The following SLAIN2 variants were observed in gnomAD, a reference collection of about 807,000 sequenced individuals.
SLAIN2 encodes SLAIN family member 2.
Under a neutral mutation model 56.6 loss-of-function variants are expected in SLAIN2, and 31 were observed. The ratio of observed to expected loss-of-function variants is 0.55; its 90% CI spans 0.41 to 0.74. SLAIN2 has a LOEUF of 0.74. SLAIN2 is among the 30% of genes least tolerant of loss of function. The pLI, the probability that SLAIN2 is intolerant of heterozygous loss-of-function variation, is 0.00. For synonymous variants in SLAIN2, 317 were observed against 284.9 expected (o/e 1.11, Z -1.13); for missense variants, 777 against 754.2 (o/e 1.03, Z -0.35).
intron 6 of SLAIN2, among the ~76,000 whole-genome samples, chr4:48,390,550 T>C (rs1716215214): frequency 6.6e-6 from 1 of 152,094 alleles, no homozygotes; most frequent in South Asian, 2.1e-4. Flanking sequence ...ATAGTACTAA[T>C]GGCCAGGAAA....
chr4:48,384,637 A>G (rs1473634561), intron 6 of SLAIN2, among the ~76,000 whole-genome samples: 5 of 152,194 alleles, frequency 3.3e-5, no homozygotes, highest in Non-Finnish European at 5.9e-5. Flanking sequence ...ACACATGTAG[A>G]TTATAATTTT....
chr4:48,349,795 G>T (rs1668732347), intron 1 of SLAIN2, among the ~76,000 whole-genome samples: 1 of 152,042 alleles, frequency 6.6e-6, no homozygotes, highest in South Asian at 2.1e-4. Flanking sequence ...TATCACAGAT[G>T]GATACATTTT....
chr4:48,420,298 G>A lies in SLAIN2; in HGVS notation c.1534G>A (p.Ala512Thr). The part of the protein sequence containing the change: ...GPPMVQSTVS[A>T]NPPSNINSAT... ...TCCTATGGTTCAGAGCACAGTCTCA[G>A]CAAATCCTCCCAGCAATATCAACAG... The change falls in exon 7 of 8, where the codon GCA becomes ACA. Residue 512 changes from alanine (A) to threonine (T), a missense_variant. Coordinates refer to ENST00000264313, the MANE Select transcript of SLAIN2 (RefSeq NM_020846.2). 2 of 1,613,898 alleles carry A rather than the reference G, an allele frequency of 1.2e-6. No individual in the cohort carries two copies. Among genetic ancestry groups the A allele is most frequent in the East Asian group, 4.5e-5 (2 of 44,866 alleles).
At chr4:48,395,917 T>C (rs1182645801) in intron 6 of SLAIN2, among the ~76,000 whole-genome samples, 3 of 150,126 alleles carry the variant, frequency 2.0e-5, no homozygotes, top group Non-Finnish European at 3.0e-5. Context: ...GTATCTAAAC[T>C]AGGGCAGGAG....
chr4:48,369,796 A>G (rs1265836133), intron 1 of SLAIN2, 53 bp from the exon 2 acceptor site: 3 of 1,550,342 alleles, frequency 1.9e-6, no homozygotes, highest in Non-Finnish European at 2.6e-6. Context: ...TCCCTGTTTT[A>G]TATAACCTTG....
chr4:48,368,532 ATC>A (rs1277039113), intron 1 of SLAIN2, among the ~76,000 whole-genome samples: 1 of 152,198 alleles, frequency 6.6e-6, no homozygotes, highest in Non-Finnish European at 1.5e-5. Context: ...GTTATTATTC[ATC>A]TATAGAGGTT....
At chr4:48,357,288 G>T (rs1376049211) in intron 1 of SLAIN2, among the ~76,000 whole-genome samples, 3 of 152,002 alleles carry the variant, frequency 2.0e-5, no homozygotes, top group African/African-American at 7.2e-5. Context: ...AGTAGTAGGT[G>T]GGATTGATTG....
chr4:48,406,816 T>G (rs1270075215), intron 6 of SLAIN2, among the ~76,000 whole-genome samples: 1 of 152,166 alleles, frequency 6.6e-6, no homozygotes, highest in Non-Finnish European at 1.5e-5. Flanking sequence ...TGTCTAGATA[T>G]GAAATCTTTG....
chr4:48,403,181 A>G (rs890532779), intron 6 of SLAIN2, among the ~76,000 whole-genome samples: 6 of 152,206 alleles, frequency 3.9e-5, no homozygotes, highest in African/African-American at 1.4e-4. Flanking sequence ...GGTCTCAGGC[A>G]GTCGGGAGGA....
chr4:48,352,923 C>T (rs564550280), intron 1 of SLAIN2, among the ~76,000 whole-genome samples: 1 of 152,218 alleles, frequency 6.6e-6, no homozygotes, highest in South Asian at 2.1e-4. Context: ...CTATACTGTT[C>T]TCTAGATGGT....
intron 6 of SLAIN2, among the ~76,000 whole-genome samples, chr4:48,418,877 G>A (rs531584863): frequency 1.3e-5 from 2 of 152,206 alleles, no homozygotes; most frequent in Non-Finnish European, 2.9e-5. Flanking sequence ...TGTACACACG[G>A]ACTGTTTTGT....
Position 48,422,527 on chromosome 4 carries a change from A to G in SLAIN2, c.*450A>G, listed in dbSNP as rs1270649963. ...ATCAATAAATATTTGTGTTAATGAG[A>G]ACTAATATTCTGACTAATTATCTAA... On this transcript the variant is annotated 3_prime_UTR_variant, in exon 8 of 8. Transcript: ENST00000264313. 4 of 154,730 alleles carry G rather than the reference A, an allele frequency of 2.6e-5. No homozygotes were observed. Among genetic ancestry groups the G allele is most frequent in the African/African-American group, 9.6e-5 (4 of 41,484 alleles). The allele number at this position is 154,730 out of a possible 1,614,324, so 9.6% of individuals were successfully genotyped here.
intron 6 of SLAIN2, among the ~76,000 whole-genome samples, chr4:48,418,218 G>A (rs867474004): frequency 4.0e-5 from 6 of 148,726 alleles, no homozygotes; most frequent in South Asian, 2.1e-4. Flanking sequence ...TGGTAAGAGC[G>A]TATGTTCTTG....
At chr4:48,408,490 A>G (rs1716761403) in intron 6 of SLAIN2, among the ~76,000 whole-genome samples, 1 of 143,614 alleles carries the variant, frequency 7.0e-6, no homozygotes, top group South Asian at 2.4e-4. Context: ...CTAACCCTGT[A>G]TAGGCTTAGG....
chr4:48,385,942 G>GTTTT (rs532283338), intron 6 of SLAIN2, among the ~76,000 whole-genome samples: 1 of 139,908 alleles, frequency 7.1e-6, no homozygotes, highest in East Asian at 2.1e-4. Context: ...CTAAAAAAAT[G>GTTTT]TTTTTTTTTT....
intron 1 of SLAIN2, among the ~76,000 whole-genome samples, chr4:48,362,732 C>CTTTTTTTTTTTTTTATTTTTT (rs1715363574): frequency 8.6e-6 from 1 of 116,408 alleles, no homozygotes; most frequent in Non-Finnish European, 1.7e-5. Context: ...TTTTAAATTT[C>CTTTTTTTTTTTTTTATTTTTT]TTTTTTTTTT....
At chr4:48,406,545 TA>T (rs1373509925) in intron 6 of SLAIN2, among the ~76,000 whole-genome samples, 2 of 134,974 alleles carry the variant, frequency 1.5e-5, no homozygotes, top group African/African-American at 2.7e-5. Flanking sequence ...TTTTTTTTTT[TA>T]AGTTAAGCTA....
chr4:48,377,118 A>G (rs1715838696), intron 2 of SLAIN2, among the ~76,000 whole-genome samples: 1 of 151,446 alleles, frequency 6.6e-6, no homozygotes. Context: ...AGATAGGAGG[A>G]TCACTTGACA....
At chr4:48,371,083 T>A (rs1277956103) in intron 2 of SLAIN2, among the ~76,000 whole-genome samples, 2 of 151,906 alleles carry the variant, frequency 1.3e-5, no homozygotes, top group Non-Finnish European at 2.9e-5. Context: ...GAAGCCCTTT[T>A]GTTTTTGTTT....
Sources: allele counts gnomAD v4.1 joint callset (sites outside exome capture counted in the v4.1 genomes callset), GRCh38; gene constraint gnomAD v4.1.1; transcripts MANE v1.5; gene names NCBI Gene and HGNC (gene_info 2026-07-23, HGNC 2026-07-21).